Variants in NR3C2 observed in about 807,000 individuals in gnomAD.
NR3C2 encodes the protein mineralocorticoid receptor.
NR3C2 carries 15 observed loss-of-function variants against 86.4 expected under a neutral mutation model. That is an observed-to-expected ratio of 0.17 (90% CI 0.12 to 0.27). The LOEUF is 0.27. NR3C2 is among the 10% of genes least tolerant of loss of function. The pLI is 1.00. For synonymous variants in NR3C2, 458 were observed against 450.5 expected, an observed-to-expected ratio of 1.02 and a Z score of -0.21; for missense variants, 960 against 1,195.6, an observed-to-expected ratio of 0.80 and a Z score of 2.91.
At chr4:148,093,385 T>C (rs1351542122) in intron 8 of NR3C2, among the ~76,000 whole-genome samples, 1 of 152,210 alleles carries the variant, frequency 6.6e-6, no homozygotes, top group Non-Finnish European at 1.5e-5. Flanking sequence ...GCTGCTGTTC[T>C]GAGGTTACAC....
At chr4:148,350,279 C>G (rs1444536500) in intron 2 of NR3C2, among the ~76,000 whole-genome samples, 1 of 152,156 alleles carries the variant, frequency 6.6e-6, no homozygotes, top group East Asian at 1.9e-4. Flanking sequence ...TTGAAGTCAT[C>G]TGTGTACTGA....
chr4:148,157,307 A>T (rs181996909), intron 4 of NR3C2, among the ~76,000 whole-genome samples: 78 of 152,242 alleles, frequency 5.1e-4, no homozygotes, highest in Non-Finnish European at 7.9e-4. Flanking sequence ...AAGTATAATT[A>T]AAAAAACCCC....
chr4:148,158,302 A>G (rs568725059), intron 4 of NR3C2, among the ~76,000 whole-genome samples: 9 of 152,350 alleles, frequency 5.9e-5, no homozygotes, highest in Non-Finnish European at 1.3e-4. Flanking sequence ...TCGTCAACTG[A>G]CGACTCTATC....
chr4:148,113,140 C>T (rs181996742), intron 8 of NR3C2, among the ~76,000 whole-genome samples: 2 of 152,196 alleles, frequency 1.3e-5, no homozygotes, highest in African/African-American at 4.8e-5. Context: ...CTGCTAAAAC[C>T]ACCTCGGCTA....
intron 3 of NR3C2, among the ~76,000 whole-genome samples, chr4:148,229,916 T>C (rs749563744): frequency 1.3e-5 from 2 of 152,176 alleles, no homozygotes; most frequent in Admixed American, 6.5e-5. Flanking sequence ...AGCTTACTTA[T>C]GTCCAGGGTG....
chr4:148,243,019 T>C (rs2149850588), intron 3 of NR3C2, among the ~76,000 whole-genome samples: 1 of 149,284 alleles, frequency 6.7e-6, no homozygotes, highest in South Asian at 2.2e-4. Flanking sequence ...TTCATACTTT[T>C]CAGGTTTTTT....
At chr4:148,365,463 GTGCCA>G (rs1312391815) in intron 2 of NR3C2, among the ~76,000 whole-genome samples, 1 of 152,062 alleles carries the variant, frequency 6.6e-6, no homozygotes, top group East Asian at 1.9e-4. Flanking sequence ...ACCTTTTTTA[GTGCCA>G]TGGATCTTTT....
At chr4:148,176,996 C>A (rs543305400) in intron 4 of NR3C2, among the ~76,000 whole-genome samples, 1 of 152,254 alleles carries the variant, frequency 6.6e-6, no homozygotes, top group African/African-American at 2.4e-5. Flanking sequence ...TCAGAAACTG[C>A]CTTCATATTG....
intron 8 of NR3C2, among the ~76,000 whole-genome samples, chr4:148,092,940 A>T (rs141690074): frequency 6.6e-6 from 1 of 152,212 alleles, no homozygotes; most frequent in African/African-American, 2.4e-5. Context: ...TGCTGTCTCA[A>T]TGCTGATGCC....
At chr4:148,343,017 C>A (rs930590357) in intron 2 of NR3C2, among the ~76,000 whole-genome samples, 1 of 152,060 alleles carries the variant, frequency 6.6e-6, no homozygotes, top group African/African-American at 2.4e-5. Context: ...AAAATATAAC[C>A]CATTTTGGAG....
At chr4:148,236,534 T>TA (rs901159406) in intron 3 of NR3C2, among the ~76,000 whole-genome samples, 1 of 151,922 alleles carries the variant, frequency 6.6e-6, no homozygotes, top group East Asian at 1.9e-4. Context: ...CTCTTACACT[T>TA]AAAAAAAGGT....
chr4:148,210,442 C>T (rs554391583), intron 3 of NR3C2, among the ~76,000 whole-genome samples: 15 of 152,290 alleles, frequency 9.8e-5, no homozygotes, highest in Admixed American at 2.0e-4. Flanking sequence ...CTGCCTGCCT[C>T]GGGCTCCCAA....
chr4:148,228,966 G>A (rs776956847), intron 3 of NR3C2, among the ~76,000 whole-genome samples: 20 of 152,204 alleles, frequency 1.3e-4, no homozygotes, highest in Non-Finnish European at 2.5e-4. Flanking sequence ...GAGAGGCATA[G>A]AAGGGATGAA....
At chr4:148,431,781 T>C (rs1445669843) in intron 2 of NR3C2, among the ~76,000 whole-genome samples, 1 of 152,162 alleles carries the variant, frequency 6.6e-6, no homozygotes, top group African/African-American at 2.4e-5. Context: ...CAAAATAATA[T>C]TCAGTAACAC....
rs1734124067 is a variant in NR3C2 at position 148,151,997 on chromosome 4, G to T, written c.2510+472C>A. 2.0e-5 allele frequency among the ~76,000 whole-genome samples: 3 copies of T among 152,254 alleles called. No individual in the cohort carries two copies. In the South Asian group the frequency reaches 6.2e-4, roughly 32 times the overall value. Reference sequence around the variant, plus strand: ...TAACAGTTTGGCTTCTTTTATGATGGCAAAGAAGGGTAATTACGATTGTCA... The same window carrying T: ...TAACAGTTTGGCTTCTTTTATGATGTCAAAGAAGGGTAATTACGATTGTCA... On this transcript the variant is annotated intron_variant, in intron 6 of 8. Coordinates refer to ENST00000358102, the MANE Select transcript of NR3C2 (RefSeq NM_000901.5).
intron 2 of NR3C2, among the ~76,000 whole-genome samples, chr4:148,281,879 T>A (rs1741264681): frequency 6.6e-6 from 1 of 152,230 alleles, no homozygotes; most frequent in African/African-American, 2.4e-5. Context: ...TCATGAGTGC[T>A]ACAAAATACA....
At chr4:148,322,663 G>C (rs1174543780) in intron 2 of NR3C2, among the ~76,000 whole-genome samples, 1 of 104,062 alleles carries the variant, frequency 9.6e-6, no homozygotes, top group African/African-American at 4.0e-5. Flanking sequence ...TCTTCCAGTT[G>C]ATCGCATCAG....
chr4:148,307,532 T>C (rs1320148761), intron 2 of NR3C2, among the ~76,000 whole-genome samples: 8 of 152,248 alleles, frequency 5.3e-5, no homozygotes, highest in Admixed American at 5.2e-4. Flanking sequence ...ATATCTTTTA[T>C]ATCTAAATCA....
At chr4:148,343,279 G>C (rs1471916403) in intron 2 of NR3C2, among the ~76,000 whole-genome samples, 7 of 152,126 alleles carry the variant, frequency 4.6e-5, no homozygotes. Context: ...TTTATCTCAA[G>C]TTCACTTTCT....
Sources: allele counts gnomAD v4.1 joint callset (sites outside exome capture counted in the v4.1 genomes callset), GRCh38; gene constraint gnomAD v4.1.1; transcripts MANE v1.5; gene names NCBI Gene and HGNC (gene_info 2026-07-23, HGNC 2026-07-21).